The following TTC23 variants were observed in gnomAD, a reference collection of about 807,000 sequenced individuals.
TTC23 encodes tetratricopeptide repeat protein 23.
Under a neutral mutation model 55.1 loss-of-function variants are expected in TTC23, and 58 were observed. The ratio of observed to expected loss-of-function variants is 1.05; its 90% CI spans 0.85 to 1.31. The LOEUF is 1.31. Ranked by LOEUF, TTC23 falls within the 50% of genes most tolerant of loss-of-function variation. The pLI is 0.00. For missense variants in TTC23, 516 were observed against 534.4 expected (o/e 0.97, Z 0.34); for synonymous variants, 203 against 199.9 (o/e 1.02, Z -0.13).
intron 8 of TTC23, among the ~76,000 whole-genome samples, chr15:99,214,525 A>AG (rs1008927695): frequency 4.6e-5 from 7 of 150,904 alleles, no homozygotes; most frequent in East Asian, 1.9e-4. Context: ...AAAAAAAAAA[A>AG]AGAGATCCTC....
chr15:99,188,225 G>C (rs2074908979), intron 9 of TTC23, among the ~76,000 whole-genome samples: 7 of 151,994 alleles, frequency 4.6e-5, no homozygotes. Context: ...TATGCTAAAT[G>C]AAAGAAGTCA....
chr15:99,138,169 G>GC (rs782518074), intron 13 of TTC23, 42 bp from the exon 14 acceptor site: 8 of 1,606,514 alleles, frequency 5.0e-6, no homozygotes, highest in Non-Finnish European at 6.8e-6. Flanking sequence ...GTGCCCCTCA[G>GC]CCCCCCACAC....
chr15:99,216,069 C>T (rs929915684), intron 8 of TTC23, among the ~76,000 whole-genome samples: 30 of 152,126 alleles, frequency 2.0e-4, no homozygotes, highest in Middle Eastern at 3.2e-3. Context: ...GCTAAACTCT[C>T]CTCTCACCCC....
chr15:99,201,823 T>C (rs2076225212), intron 8 of TTC23, among the ~76,000 whole-genome samples: 1 of 152,190 alleles, frequency 6.6e-6, no homozygotes, highest in Non-Finnish European at 1.5e-5. Context: ...ATCCTTAGTT[T>C]TGTAAATATC....
intron 12 of TTC23, chr15:99,140,236 G>T: frequency 6.5e-6 from 1 of 153,332 alleles, no homozygotes; most frequent in Non-Finnish European, 1.5e-5. Flanking sequence ...TGGGTACTGG[G>T]ACCGCTGGTT....
intron 1 of TTC23, chr15:99,248,274 T>C (rs1271403646): frequency 1.3e-5 from 2 of 152,222 alleles, no homozygotes; most frequent in African/African-American, 4.8e-5. Context: ...CTGTCAGTTT[T>C]ATTGTCTTCA....
At chr15:99,221,996 G>C (rs1311063519) in intron 5 of TTC23, 132 bp from the exon 6 acceptor site, 1 of 1,022,966 alleles carries the variant, frequency 9.8e-7, no homozygotes, top group Non-Finnish European at 1.4e-6. Context: ...CTAAGCACTT[G>C]AGATGTATCA....
intron 13 of TTC23, 87 bp from the exon 14 acceptor site, chr15:99,138,214 C>T: frequency 6.5e-7 from 1 of 1,541,230 alleles, no homozygotes; most frequent in African/African-American, 1.4e-5. Context: ...CAGCAGGTGC[C>T]CAGACCCATT....
chr15:99,157,873 C>T (rs1219756410), intron 11 of TTC23: 2 of 152,180 alleles, frequency 1.3e-5, no homozygotes, highest in African/African-American at 4.8e-5. Flanking sequence ...CCACGATCTT[C>T]CACATGAAGG....
intron 5 of TTC23, among the ~76,000 whole-genome samples, chr15:99,227,408 C>G (rs184108823): frequency 6.6e-6 from 1 of 152,168 alleles, no homozygotes; most frequent in African/African-American, 2.4e-5. Context: ...CTCTGCCACA[C>G]GTAGTTCAGG....
At chr15:99,232,978 AT>A (rs1430568423) in intron 4 of TTC23, among the ~76,000 whole-genome samples, 1 of 152,228 alleles carries the variant, frequency 6.6e-6, no homozygotes, top group African/African-American at 2.4e-5. Context: ...GCATCCTGTC[AT>A]TTGTGACAAC....
chr15:99,162,236 G>T (rs1376440183), intron 10 of TTC23, among the ~76,000 whole-genome samples: 1 of 152,040 alleles, frequency 6.6e-6, no homozygotes, highest in East Asian at 1.9e-4. Context: ...ACTGAGGGTA[G>T]GACTCTGAAA....
At chr15:99,222,488 G>A (rs1411763110) in intron 5 of TTC23, among the ~76,000 whole-genome samples, 3 of 152,178 alleles carry the variant, frequency 2.0e-5, no homozygotes, top group African/African-American at 7.2e-5. Flanking sequence ...ATGTTGCCCA[G>A]GCTGTCAAAT....
chr15:99,164,502 G>C (rs1402628657), intron 10 of TTC23, among the ~76,000 whole-genome samples: 1 of 152,138 alleles, frequency 6.6e-6, no homozygotes, highest in Non-Finnish European at 1.5e-5. Context: ...AAGTCTGTTG[G>C]GGAAGATCAT....
At chr15:99,199,778 T>G (rs1308426010) in intron 9 of TTC23, 141 bp downstream of exon 9, 5 of 756,170 alleles carry the variant, frequency 6.6e-6, no homozygotes, top group Non-Finnish European at 1.0e-5. Flanking sequence ...ACACCTTTGT[T>G]GAGCATCTAC....
At chr15:99,157,585 A>T (rs2070785696) in intron 11 of TTC23, 1 of 152,218 alleles carries the variant, frequency 6.6e-6, no homozygotes, top group African/African-American at 2.4e-5. Context: ...GTGAAAATAT[A>T]GCATTCCTGG....
intron 2 of TTC23, among the ~76,000 whole-genome samples, chr15:99,242,224 A>C (rs1005375197): frequency 2.0e-5 from 3 of 152,122 alleles, no homozygotes; most frequent in Admixed American, 2.0e-4. Flanking sequence ...AAACTTACCC[A>C]TATGTAAGCT....
chr15:99,245,717 C>G (rs1460081179), intron 1 of TTC23, among the ~76,000 whole-genome samples: 3 of 151,784 alleles, frequency 2.0e-5, no homozygotes, highest in Non-Finnish European at 4.4e-5. Flanking sequence ...GATCTCTACA[C>G]CTCACACCAT....
chr15:99,178,940 GCCTACCTGCAGGGA>G (rs2151940796), intron 9 of TTC23, among the ~76,000 whole-genome samples: 1 of 152,200 alleles, frequency 6.6e-6, no homozygotes, highest in South Asian at 2.1e-4. Flanking sequence ...TAGAGACACG[GCCTACCTGCAGGGA>G]CCTTGAGGGG....
Sources: allele counts gnomAD v4.1 joint callset (sites outside exome capture counted in the v4.1 genomes callset), GRCh38; gene constraint gnomAD v4.1.1; transcripts MANE v1.5; gene names NCBI Gene and HGNC (gene_info 2026-07-23, HGNC 2026-07-21).